The following GATAD2A variants were observed in gnomAD, a reference collection of about 807,000 sequenced individuals.
GATAD2A encodes transcriptional repressor p66-alpha.
GATAD2A carries 12 observed loss-of-function variants against 68.5 expected under a neutral mutation model. That is an observed-to-expected ratio of 0.18 (90% CI 0.11 to 0.28). The LOEUF is 0.28. Among genes scored for constraint, GATAD2A ranks in the 10% least tolerant of loss-of-function variants. GATAD2A has a pLI of 1.00. For synonymous variants in GATAD2A, 410 were observed against 375.3 expected, an observed-to-expected ratio of 1.09 and a Z score of -1.07; for missense variants, 755 against 868.5, an observed-to-expected ratio of 0.87 and a Z score of 1.64.
chr19:19,434,041 G>A (rs771162464), intron 1 of GATAD2A, among the ~76,000 whole-genome samples: 2 of 152,222 alleles, frequency 1.3e-5, no homozygotes. Flanking sequence ...CCAAAGTGCT[G>A]TAATTAGAGG....
At chr19:19,467,571 T>C (rs1568312653) in intron 2 of GATAD2A, among the ~76,000 whole-genome samples, 2 of 152,202 alleles carry the variant, frequency 1.3e-5, no homozygotes, top group Non-Finnish European at 2.9e-5. Flanking sequence ...ACCCATATTG[T>C]TGTGCATACC....
intron 1 of GATAD2A, among the ~76,000 whole-genome samples, chr19:19,464,259 A>G (rs1427477392): frequency 6.6e-6 from 1 of 152,192 alleles, no homozygotes; most frequent in African/African-American, 2.4e-5. Context: ...CCCATGGAAA[A>G]CTGTGACACT....
chr19:19,488,779 T>G (rs1257295617), intron 2 of GATAD2A, among the ~76,000 whole-genome samples: 1 of 152,124 alleles, frequency 6.6e-6, no homozygotes, highest in Non-Finnish European at 1.5e-5. Flanking sequence ...TTTTTGTAGG[T>G]CACATAAAAT....
intron 7 of GATAD2A, among the ~76,000 whole-genome samples, chr19:19,496,683 C>T (rs184029241): frequency 3.3e-5 from 5 of 152,326 alleles, no homozygotes; most frequent in East Asian, 1.9e-4. Flanking sequence ...TCACCAGGTG[C>T]GCCTATTCTT....
At chr19:19,423,799 C>T (rs535021549) in intron 1 of GATAD2A, among the ~76,000 whole-genome samples, 15 of 152,290 alleles carry the variant, frequency 9.8e-5, no homozygotes, top group African/African-American at 3.6e-4. Flanking sequence ...TTGCCCTAAA[C>T]TGGACTTGGA....
At chr19:19,459,402 A>G (rs1249399988) in intron 1 of GATAD2A, among the ~76,000 whole-genome samples, 1 of 147,676 alleles carries the variant, frequency 6.8e-6, no homozygotes, top group Admixed American at 6.8e-5. Flanking sequence ...AAATGGTACT[A>G]TGCTATTCTG....
rs546690626 is a variant in GATAD2A at position 19,483,755 on chromosome 19, C to G, written c.270-8551C>G. 2.2e-3 allele frequency among the ~76,000 whole-genome samples: 334 copies of G among 151,064 alleles called. 2 individuals carry two copies. Among genetic ancestry groups the G allele is most frequent in the African/African-American group, 6.8e-3 (279 of 41,082 alleles). On this transcript the variant is annotated intron_variant, in intron 2 of 11. Transcript: ENST00000683918. ...TCAGCCTCCCGAGTAGCTGGGACTA[C>G]AGGTGCCCGCCACCATACCCGGCTA...
intron 1 of GATAD2A, among the ~76,000 whole-genome samples, chr19:19,458,059 T>C (rs2057096301): frequency 6.6e-6 from 1 of 152,206 alleles, no homozygotes; most frequent in African/African-American, 2.4e-5. Flanking sequence ...CTGACTAGGC[T>C]GGGGTCCATC....
intron 1 of GATAD2A, among the ~76,000 whole-genome samples, chr19:19,420,464 T>C (rs28713238): frequency 0.016 from 2,387 of 150,376 alleles, 73 homozygotes; most frequent in South Asian, 0.083. Flanking sequence ...CCCAAGTAGC[T>C]GGGACTACAG....
Position 19,409,473 on chromosome 19 carries a change from A to G in GATAD2A, c.-7+3454A>G, listed in dbSNP as rs541345762. Among the ~76,000 whole-genome samples the G allele has an allele frequency of 1.1e-4, 17 of 152,282 alleles. No individual in the cohort carries two copies. In the South Asian group the frequency reaches 3.3e-3, roughly 30 times the overall value. ...GGCAATGTCATAGTTTGAGGCATAC[A>G]GAACTATGCTGCCTGCTAAGTGTGG... On this transcript the variant is annotated intron_variant, in intron 1 of 11. Transcript: ENST00000683918.
intron 2 of GATAD2A, among the ~76,000 whole-genome samples, chr19:19,473,693 T>C (rs2058474249): frequency 2.0e-5 from 3 of 151,290 alleles, no homozygotes; most frequent in Admixed American, 2.0e-4. Flanking sequence ...ATCCCAGCAC[T>C]TTGGGAGGCC....
At chr19:19,455,179 A>AC (rs2056811963) in intron 1 of GATAD2A, among the ~76,000 whole-genome samples, 1 of 151,804 alleles carries the variant, frequency 6.6e-6, no homozygotes, top group Non-Finnish European at 1.5e-5. Context: ...ATACAGTGGG[A>AC]CCCCATCTCT....
At chr19:19,464,892 C>G (rs894956849) in intron 1 of GATAD2A, 2 of 235,688 alleles carry the variant, frequency 8.5e-6, no homozygotes, top group African/African-American at 4.5e-5. Context: ...TCCCAGGCCC[C>G]GACCCTGCTC....
chr19:19,387,119 AG>A, intron 1 of GATAD2A, among the ~76,000 whole-genome samples: 1 of 151,852 alleles, frequency 6.6e-6, no homozygotes, highest in African/African-American at 2.4e-5. Context: ...CACTCCTCTA[AG>A]GAGAGACCCC....
intron 1 of GATAD2A, among the ~76,000 whole-genome samples, chr19:19,406,229 C>T (rs1486736188): frequency 7.9e-6 from 1 of 127,220 alleles, no homozygotes; most frequent in Non-Finnish European, 1.6e-5. Context: ...CCGAGGCGGC[C>T]CGGGCACGTG....
chr19:19,470,281 C>A (rs2058200884), intron 2 of GATAD2A, among the ~76,000 whole-genome samples: 3 of 151,418 alleles, frequency 2.0e-5, no homozygotes, highest in Non-Finnish European at 4.4e-5. Flanking sequence ...ACTACAGGTG[C>A]CCGCCACCAC....
intron 1 of GATAD2A, among the ~76,000 whole-genome samples, chr19:19,453,720 A>G (rs1276243946): frequency 6.7e-6 from 1 of 149,554 alleles, no homozygotes; most frequent in Non-Finnish European, 1.5e-5. Context: ...TCCGTCGCCC[A>G]GGCTGGAGCG....
At chr19:19,424,283 G>T (rs1362841375) in intron 1 of GATAD2A, among the ~76,000 whole-genome samples, 1 of 152,110 alleles carries the variant, frequency 6.6e-6, no homozygotes, top group African/African-American at 2.4e-5. Flanking sequence ...AGGCTAGAGT[G>T]CAGTGGCGTG....
chr19:19,453,168 A>G (rs903608774), intron 1 of GATAD2A, among the ~76,000 whole-genome samples: 13 of 152,030 alleles, frequency 8.6e-5, no homozygotes, highest in Non-Finnish European at 1.8e-4. Flanking sequence ...GGCTGGGCTT[A>G]TGCCCCTCAG....
Sources: gnomAD v4.1 joint callset for allele counts (sites outside exome capture counted in the v4.1 genomes callset) on GRCh38, gnomAD v4.1.1 for gene constraint, MANE v1.5 for transcripts, NCBI Gene and HGNC (gene_info 2026-07-23, HGNC 2026-07-21) for gene names.